FOSB: variants seen among roughly 807,000 people sequenced by gnomAD.
FOSB encodes the protein protein FosB.
Under a neutral mutation model 31.1 loss-of-function variants are expected in FOSB, and 8 were observed. The observed-to-expected ratio is 0.26, with a 90% confidence interval of 0.15 to 0.46. The LOEUF is 0.46. FOSB is among the 20% of genes least tolerant of loss of function. FOSB has a pLI of 0.99. For missense variants in FOSB, 376 were observed against 460.6 expected (o/e 0.82, Z 1.68); for synonymous variants, 214 against 206.1 (o/e 1.04, Z -0.33).
At position 45,468,298 on chromosome 19, in the gene FOSB, C is replaced by T. The variant is rs1967490731; in HGVS notation, c.-289C>T. ...CGCTTTCTGCCCCTGGGGGAGCAACCCCTCCCTCGCCCCTGGGTCCTACGG... is the reference window on the plus strand; with the variant it reads ...CGCTTTCTGCCCCTGGGGGAGCAACTCCTCCCTCGCCCCTGGGTCCTACGG... On this transcript the variant is annotated 5_prime_UTR_variant, in exon 1 of 4. Coordinates refer to ENST00000353609, the MANE Select transcript of FOSB (RefSeq NM_006732.3). The surrounding 1 kb of genome is among the most constrained non-coding windows in gnomAD (Gnocchi z 4.8). The T allele has an allele frequency of 3.5e-6, 1 of 288,542 alleles. No homozygotes were observed. The highest frequency in any genetic ancestry group is 2.2e-5 in the African/African-American group (1 of 45,494). 17.9% of individuals were successfully genotyped at this position (288,542 alleles called of 1,614,324 possible).
chr19:45,468,778 T>G lies in FOSB; in HGVS notation c.126+66T>G. 3 of 1,502,016 alleles carry G rather than the reference T, an allele frequency of 2.0e-6. No individual in the cohort carries two copies. The highest frequency in any genetic ancestry group is 2.7e-6 in the Non-Finnish European group (3 of 1,122,820). 93.0% of individuals were successfully genotyped at this position (1,502,016 alleles called of 1,614,324 possible). ...TTTTTTAAGTCAAGGGTGAAAAGAA[T>G]AAACCCCAACCCCCACAAAAAGGCG... On this transcript the variant is annotated intron_variant, in intron 1 of 3. Transcript: ENST00000353609. This position sits in a 1 kb window ranked among gnomAD's most constrained non-coding sequence, Gnocchi z 4.8.
In FOSB at chr19:45,472,980, C is replaced by G. The variant is rs754164038; in HGVS notation, c.985C>G (p.Pro329Ala). 10 of 1,611,500 alleles carry G rather than the reference C, an allele frequency of 6.2e-6. No homozygotes were observed. The change falls in exon 4 of 4, where the codon CCC (proline) becomes GCC (alanine). Residue 329 changes from proline to alanine, a missense_variant. Around this residue, in one of 3 missense-constraint regions of FOSB, gnomAD observed 148 missense variants for 170.0 expected, o/e 0.87. Transcript: ENST00000353609. The surrounding 1 kb of genome is among the most constrained non-coding windows in gnomAD (Gnocchi z 5.4). ...CAGCGGCAGTGACCAGCCTTCCGAT[C>G]CCCTGAACTCGCCCTCCCTCCTCGC... is the stretch of plus-strand genomic sequence containing the variant. ...RTSGSDQPSD[P>A]LNSPSLLAL
intron 1 of FOSB, among the ~76,000 whole-genome samples, chr19:45,469,077 G>C (rs1434627356): frequency 6.6e-6 from 1 of 152,232 alleles, no homozygotes; most frequent in African/African-American, 2.4e-5. Flanking sequence ...GCAGGTGGGG[G>C]AAATCCCGGG....
chr19:45,475,066 G>C lies in FOSB; in HGVS notation c.*2054G>C, dbSNP rs954732229. 3 of 152,526 alleles carry C rather than the reference G, an allele frequency of 2.0e-5. No homozygotes were observed. The East Asian group carries it at 5.8e-4, about 29-fold the overall frequency. The allele number at this position is 152,526 out of a possible 1,614,324, so 9.4% of individuals were successfully genotyped here. On this transcript the variant is annotated 3_prime_UTR_variant, in exon 4 of 4. Transcript: ENST00000353609. Reference sequence around the variant, plus strand: ...CCCCCTACCCCATGCTGTACTTGTGGTTCTCTTTTTGTATTTTGCATCTGA... The same window carrying C: ...CCCCCTACCCCATGCTGTACTTGTGCTTCTCTTTTTGTATTTTGCATCTGA...
Position 45,472,449 on chromosome 19 carries a change from C to CA in FOSB, c.556-101dup. ...TTTTTCTCAGCCCGGGGCTGCCTTC[C>CA]AGCAGCAAGTCCAAGGGAGCCATGA... is the stretch of plus-strand genomic sequence containing the variant. On this transcript the variant is annotated intron_variant, in intron 3 of 3. Coordinates refer to ENST00000353609, the MANE Select transcript of FOSB (RefSeq NM_006732.3). The surrounding 1 kb of genome is among the most constrained non-coding windows in gnomAD (Gnocchi z 5.4). 1 of 963,712 alleles carries CA rather than the reference C, an allele frequency of 1.0e-6. No homozygotes were observed. 59.7% of individuals were successfully genotyped at this position (963,712 alleles called of 1,614,324 possible). A position where few individuals can be genotyped will look rare whatever the true frequency, so the allele number is the denominator to read the frequency against.
At chr19:45,471,000 C>A (rs1307564834) in intron 2 of FOSB, 51 bp downstream of exon 2, 2 of 1,572,872 alleles carry the variant, frequency 1.3e-6, no homozygotes, top group Non-Finnish European at 1.7e-6. Context: ...GCAAGAGAGG[C>A]AGGAAGTTTC....
rs971313082 is a variant in FOSB, at chr19:45,471,185, C to G, written c.448-9C>G. On this transcript the variant is annotated splice_polypyrimidine_tract_variant and intron_variant, in intron 2 of 3. Coordinates refer to ENST00000353609, the MANE Select transcript of FOSB (RefSeq NM_006732.3). ...CCCAAATCTCATGGCCTCTATCTCC[C>G]TGACTCAGCTCACCCCAGAGGAAGA... 1 of 1,555,378 alleles carries G rather than the reference C, an allele frequency of 6.4e-7. No individual in the cohort carries two copies. Among genetic ancestry groups the G allele is most frequent in the Admixed American group, 1.9e-5 (1 of 51,492 alleles).
rs942069115 is a variant in FOSB, at chr19:45,473,099, G to A, written c.*87G>A. 11 of 1,335,560 alleles carry A rather than the reference G, an allele frequency of 8.2e-6. No individual in the cohort carries two copies. Among genetic ancestry groups the A allele is most frequent in the Non-Finnish European group, 1.1e-5 (11 of 963,176 alleles). 82.7% of individuals were successfully genotyped at this position (1,335,560 alleles called of 1,614,324 possible). Reference sequence around the variant, plus strand: ...AGGAGGAGAAGGAGGAGAGAGAGGGGAAGAGACAAAGTGGGTGTGTGGCCT... The same window carrying A: ...AGGAGGAGAAGGAGGAGAGAGAGGGAAAGAGACAAAGTGGGTGTGTGGCCT... On this transcript the variant is annotated 3_prime_UTR_variant, in exon 4 of 4. Transcript: ENST00000353609.
At chr19:45,471,713 A>G in intron 3 of FOSB, 1 of 162,858 alleles carries the variant, frequency 6.1e-6, no homozygotes, top group East Asian at 1.7e-4. Context: ...AAGCCTGTGA[A>G]ATGAAATTAT....
At chr19:45,469,279 A>C (rs1967536670) in intron 1 of FOSB, among the ~76,000 whole-genome samples, 1 of 152,112 alleles carries the variant, frequency 6.6e-6, no homozygotes, top group Non-Finnish European at 1.5e-5. Context: ...GACGCGGGGC[A>C]CGCACGGCGC....
rs1243652349 is a variant in FOSB at position 45,475,055 on chromosome 19, C to T, written c.*2043C>T. On this transcript the variant is annotated 3_prime_UTR_variant, in exon 4 of 4. Transcript: ENST00000353609. ...GAATCCCCGACCCCCCTACCCCATGCTGTACTTGTGGTTCTCTTTTTGTAT... is the reference window on the plus strand; with the variant it reads ...GAATCCCCGACCCCCCTACCCCATGTTGTACTTGTGGTTCTCTTTTTGTAT... 2 of 152,550 alleles carry T rather than the reference C, an allele frequency of 1.3e-5. No individual in the cohort carries two copies. The highest frequency in any genetic ancestry group is 1.9e-4 in the East Asian group (1 of 5,204). 9.4% of individuals were successfully genotyped at this position (152,550 alleles called of 1,614,324 possible).
At chr19:45,470,239 G>A (rs1028766075) in intron 1 of FOSB, 2 of 236,136 alleles carry the variant, frequency 8.5e-6, no homozygotes, top group East Asian at 1.9e-4. Flanking sequence ...CTTGCCTCTG[G>A]GGTGGGGGTG....
chr19:45,471,135 G>A (rs1012509230), intron 2 of FOSB, 59 bp from the exon 3 acceptor site: 1 of 1,452,660 alleles, frequency 6.9e-7, no homozygotes, highest in Non-Finnish European at 9.5e-7. Context: ...GTAGAGGTTC[G>A]GGATGGGTGG....
In FOSB at chr19:45,472,518, C is replaced by A; in HGVS notation, c.556-33C>A. The A allele has an allele frequency of 6.8e-7, 1 of 1,467,752 alleles. No homozygotes were observed. Among genetic ancestry groups the A allele is most frequent in the South Asian group, 1.4e-5 (1 of 69,144 alleles). 90.9% of individuals were successfully genotyped at this position (1,467,752 alleles called of 1,614,324 possible). A position where few individuals can be genotyped will look rare whatever the true frequency, so the allele number is the denominator to read the frequency against. On this transcript the variant is annotated intron_variant, in intron 3 of 3. Coordinates refer to ENST00000353609, the MANE Select transcript of FOSB (RefSeq NM_006732.3). This position sits in a 1 kb window ranked among gnomAD's most constrained non-coding sequence, Gnocchi z 5.4. The stretch of plus-strand genomic sequence containing the variant: ...TGACATGCTTTTTTCTCCTTCCTCT[C>A]TCTCTTCTGTGACCTGGCCTCCCTG...
intron 3 of FOSB, 198 bp downstream of exon 3, chr19:45,471,499 C>CCCCG: frequency 2.3e-6 from 1 of 438,678 alleles, no homozygotes; most frequent in Non-Finnish European, 4.2e-6. Flanking sequence ...CTCCTGGTCC[C>CCCCG]CCCCCCATTT....
Position 45,470,944 on chromosome 19 carries a change from G to A in FOSB, c.442G>A (p.Glu148Lys). The A allele has an allele frequency of 6.2e-7, 1 of 1,610,950 alleles. No homozygotes were observed. The highest frequency in any genetic ancestry group is 8.5e-7 in the Non-Finnish European group (1 of 1,179,976). Residue 148 changes from glutamate to lysine, a missense_variant, in exon 2 of 4, where the codon GAG becomes AAG. Coordinates refer to ENST00000353609, the MANE Select transcript of FOSB (RefSeq NM_006732.3). ...ARARPRRPRE[E>K]TLTPEEEEKR... The stretch of plus-strand genomic sequence containing the variant: ...AGCCCGGCCTAGGAGACCCCGAGAG[G>A]AGACGGTGAGTAAGGGACATCAGAA...
At position 45,474,304 on chromosome 19, in the gene FOSB, CA is replaced by C. The variant is rs1256397474; in HGVS notation, c.*1294del. On this transcript the variant is annotated 3_prime_UTR_variant, in exon 4 of 4. Coordinates refer to ENST00000353609, the MANE Select transcript of FOSB (RefSeq NM_006732.3). ...CCCAATATTTTTGGACTGGCAGACT[CA>C]AGGGGCTGGAATCTCATGATTCCAT... 1 of 152,512 alleles carries C rather than the reference CA, an allele frequency of 6.6e-6. No homozygotes were observed. Among genetic ancestry groups the C allele is most frequent in the African/African-American group, 2.4e-5 (1 of 41,388 alleles). 9.4% of individuals were successfully genotyped at this position (152,512 alleles called of 1,614,324 possible).
rs547100844 is a variant in FOSB, at chr19:45,472,124, T to A, written c.556-427T>A. On this transcript the variant is annotated intron_variant, in intron 3 of 3. Transcript: ENST00000353609. This position sits in a 1 kb window ranked among gnomAD's most constrained non-coding sequence, Gnocchi z 5.4. ...TGCACACCACTGTGGTCCCAGCTAC[T>A]ATGGAGGCTTTAGTGGGAGGATCGC... The A allele has an allele frequency of 6.4e-6, 1 of 155,742 alleles. No homozygotes were observed. Among genetic ancestry groups the A allele is most frequent in the Admixed American group, 6.5e-5 (1 of 15,374 alleles). The allele number at this position is 155,742 out of a possible 1,614,324, so 9.6% of individuals were successfully genotyped here.
chr19:45,471,535 G>A (rs1967673476), intron 3 of FOSB: 1 of 336,682 alleles, frequency 3.0e-6, no homozygotes, highest in Non-Finnish European at 5.2e-6. Context: ...TACTCTCCTA[G>A]CCTTCATTTC....
Sources: gnomAD v4.1 joint callset for allele counts (sites outside exome capture counted in the v4.1 genomes callset) on GRCh38, gnomAD v4.1.1 for gene constraint, gnomAD v4.1.1 regional missense constraint, Gnocchi (gnomAD v3.1) non-coding constraint, MANE v1.5 for transcripts, NCBI Gene and HGNC (gene_info 2026-07-23, HGNC 2026-07-21) for gene names.